Variants in CSMD1 observed in about 807,000 individuals in gnomAD.
The protein encoded by CSMD1 is CUB and sushi domain-containing protein 1.
Under a neutral mutation model 417.5 loss-of-function variants are expected in CSMD1, and 213 were observed. The observed-to-expected ratio is 0.51, with a 90% CI of 0.46 to 0.57. The LOEUF (loss-of-function observed/expected upper bound fraction) is 0.57. Among genes scored for constraint, CSMD1 ranks in the 20% least tolerant of loss-of-function variants. The probability of loss-of-function intolerance (pLI) is 0.00; values close to 1 mark genes in which losing one functional copy is unlikely to be tolerated. For missense variants in CSMD1, 6,923 were observed against 4,529.7 expected, an observed-to-expected ratio of 1.53 and a Z score of -15.17; for synonymous variants, 2,862 against 1,736.8, an observed-to-expected ratio of 1.65 and a Z score of -16.11.
intron 2 of CSMD1, among the ~76,000 whole-genome samples, chr8:4,627,745 C>T (rs540293483): frequency 3.0e-4 from 46 of 152,234 alleles, no homozygotes; most frequent in Admixed American, 2.3e-3. Flanking sequence ...CAGCCAGTTC[C>T]AGCTAACCTC....
chr8:4,117,429 C>T (rs146750881), intron 3 of CSMD1, among the ~76,000 whole-genome samples: 1 of 152,066 alleles, frequency 6.6e-6, no homozygotes, highest in Non-Finnish European at 1.5e-5. Context: ...TAAATACAAG[C>T]AGGACCGCAT....
At chr8:4,114,154 A>G (rs1352217007) in intron 3 of CSMD1, among the ~76,000 whole-genome samples, 1 of 152,220 alleles carries the variant, frequency 6.6e-6, no homozygotes, top group Non-Finnish European at 1.5e-5. Context: ...GCTTGGCTTA[A>G]AAACTTCAAA....
At chr8:4,314,280 G>C (rs941206921) in intron 3 of CSMD1, among the ~76,000 whole-genome samples, 7 of 151,958 alleles carry the variant, frequency 4.6e-5, no homozygotes, top group East Asian at 3.9e-4. Context: ...AGTTACAATC[G>C]ACAAAGTACA....
chr8:3,838,288 A>G (rs1802834506), intron 5 of CSMD1, among the ~76,000 whole-genome samples: 1 of 152,016 alleles, frequency 6.6e-6, no homozygotes, highest in East Asian at 1.9e-4. Context: ...GTAACCCCCA[A>G]CACTTTGGGA....
intron 3 of CSMD1, among the ~76,000 whole-genome samples, chr8:4,152,982 A>G (rs1218251032): frequency 3.9e-5 from 6 of 152,220 alleles, no homozygotes; most frequent in Admixed American, 3.9e-4. Flanking sequence ...TTCTGCTATG[A>G]CAAGGTGAAC....
rs779320746 is a variant in CSMD1 at position 3,284,244 on chromosome 8, G to A, written c.4053C>T (p.Ser1351=). 11 of 1,613,584 alleles carry A rather than the reference G, an allele frequency of 6.8e-6. No homozygotes were observed. Among genetic ancestry groups the A allele is most frequent in the Non-Finnish European group, 8.5e-6 (10 of 1,179,710 alleles). ...SDILLKEWSG[S]ALPEDIHSTF... The stretch of plus-strand genomic sequence containing the variant: ...TGCTGTGGATGTCCTCCGGAAGGGC[G>A]GAGCCACTCCACTCCTTCAGCAGGA... The change falls in exon 26 of 70, where the codon TCC becomes TCT. Residue 1351 remains serine (S), a synonymous_variant. Coordinates refer to ENST00000635120, the MANE Select transcript of CSMD1 (RefSeq NM_033225.6).
At chr8:4,841,160 G>C (rs374157707) in intron 1 of CSMD1, among the ~76,000 whole-genome samples, 24 of 152,166 alleles carry the variant, frequency 1.6e-4, no homozygotes, top group African/African-American at 5.8e-4. Flanking sequence ...ATAAATAATG[G>C]TCAGAGCTTC....
chr8:3,842,038 T>C (rs1041563529), intron 5 of CSMD1, among the ~76,000 whole-genome samples: 1 of 152,232 alleles, frequency 6.6e-6, no homozygotes, highest in African/African-American at 2.4e-5. Flanking sequence ...TTCTAATGCA[T>C]ACCCTTGTTC....
intron 13 of CSMD1, among the ~76,000 whole-genome samples, chr8:3,408,811 T>C (rs1001796646): frequency 3.3e-5 from 5 of 152,064 alleles, no homozygotes; most frequent in Non-Finnish European, 5.9e-5. Flanking sequence ...ATATAAATAA[T>C]TTTTTGGAGG....
chr8:4,807,767 C>G (rs924539960), intron 1 of CSMD1, among the ~76,000 whole-genome samples: 1 of 152,078 alleles, frequency 6.6e-6, no homozygotes, highest in Non-Finnish European at 1.5e-5. Flanking sequence ...AGTATGTAAA[C>G]TATCAGCTCT....
At chr8:4,989,933 G>GC (rs889946905) in intron 1 of CSMD1, among the ~76,000 whole-genome samples, 4 of 152,154 alleles carry the variant, frequency 2.6e-5, no homozygotes, top group Admixed American at 1.3e-4. Flanking sequence ...AGGAAGCATT[G>GC]CCCCCGGGAG....
intron 61 of CSMD1, among the ~76,000 whole-genome samples, chr8:2,961,426 T>C (rs1469927915): frequency 6.6e-6 from 1 of 152,198 alleles, no homozygotes; most frequent in Non-Finnish European, 1.5e-5. Context: ...CTTTAAGTAG[T>C]TCAGTATGTT....
chr8:4,926,944 G>A (rs562830114), intron 1 of CSMD1, among the ~76,000 whole-genome samples: 3 of 151,912 alleles, frequency 2.0e-5, no homozygotes, highest in Non-Finnish European at 4.4e-5. Flanking sequence ...TTGGACCCAA[G>A]TTTAAAACTA....
At chr8:3,589,116 T>G (rs1429105999) in intron 8 of CSMD1, among the ~76,000 whole-genome samples, 6 of 152,148 alleles carry the variant, frequency 3.9e-5, no homozygotes, top group Non-Finnish European at 7.3e-5. Context: ...AGGGAACCCT[T>G]GTACATTGTT....
intron 1 of CSMD1, among the ~76,000 whole-genome samples, chr8:4,797,789 AAATTTAAAAATACTTGTGCTC>A (rs1563416591): frequency 6.6e-6 from 1 of 152,228 alleles, no homozygotes; most frequent in Non-Finnish European, 1.5e-5. Flanking sequence ...TCATTCAGAG[AAATTTAAAAATACTTGTGCTC>A]ATGTAACAAA....
At chr8:4,270,936 T>C (rs979988024) in intron 3 of CSMD1, among the ~76,000 whole-genome samples, 3 of 151,980 alleles carry the variant, frequency 2.0e-5, no homozygotes, top group Non-Finnish European at 4.4e-5. Context: ...GAGACACCCC[T>C]AGAGAGAGAG....
chr8:4,461,539 A>AT (rs200217845), intron 2 of CSMD1, among the ~76,000 whole-genome samples: 104 of 53,568 alleles, frequency 1.9e-3, no homozygotes, highest in Admixed American at 2.9e-3. Flanking sequence ...AAAAATCCAT[A>AT]TTTTTTTTTG....
chr8:4,151,304 A>G (rs961823331), intron 3 of CSMD1, among the ~76,000 whole-genome samples: 1 of 152,212 alleles, frequency 6.6e-6, no homozygotes, highest in Admixed American at 6.5e-5. Flanking sequence ...TTGCCTTGTT[A>G]TAGATCCTAA....
At chr8:3,974,558 T>G (rs2049306) in intron 5 of CSMD1, among the ~76,000 whole-genome samples, 89,873 of 151,866 alleles carry the variant, frequency 0.59, 27,346 homozygotes, top group East Asian at 0.75. Context: ...ATTTAAATGT[T>G]TGCTTTCAGA....
Sources: gnomAD v4.1 joint callset for allele counts (sites outside exome capture counted in the v4.1 genomes callset) on GRCh38, gnomAD v4.1.1 for gene constraint, MANE v1.5 for transcripts, NCBI Gene and HGNC (gene_info 2026-07-23, HGNC 2026-07-21) for gene names.